KIAA1217: variants seen among roughly 807,000 people sequenced by gnomAD.
KIAA1217 encodes sickle tail protein homolog.
A neutral mutation model predicts 163.9 loss-of-function variants in KIAA1217; 88 were observed. That is an observed-to-expected ratio of 0.54 (90% CI 0.45 to 0.64). The LOEUF (loss-of-function observed/expected upper bound fraction) is 0.64. Among genes scored for constraint, KIAA1217 ranks in the 30% least tolerant of loss-of-function variants. The pLI is 0.00. For synonymous variants in KIAA1217, 903 were observed against 923.1 expected (o/e 0.98, Z 0.39); for missense variants, 2,372 against 2,475.0 (o/e 0.96, Z 0.88).
intron 2 of KIAA1217, among the ~76,000 whole-genome samples, chr10:24,127,478 A>G (rs550605382): frequency 6.6e-6 from 1 of 152,290 alleles, no homozygotes; most frequent in African/African-American, 2.4e-5. Context: ...AGCCCTTTCT[A>G]TCCCTGGAAT....
chr10:23,985,228 A>G (rs979202433), intron 1 of KIAA1217, among the ~76,000 whole-genome samples: 14 of 152,126 alleles, frequency 9.2e-5, no homozygotes, highest in Non-Finnish European at 1.5e-5. Context: ...CCTTTAGTAG[A>G]CCTTTTCCTG....
chr10:24,501,523 T>A lies in KIAA1217; in HGVS notation c.1979T>A (p.Leu660His), dbSNP rs2067578097. 3 of 1,613,400 alleles carry A rather than the reference T, an allele frequency of 1.9e-6. No individual in the cohort carries two copies. Among genetic ancestry groups the A allele is most frequent in the Non-Finnish European group, 2.5e-6 (3 of 1,179,766 alleles). Residue 660 changes from leucine (L) to histidine (H), a missense_variant, in exon 9 of 21, where the codon CTC (leucine) becomes CAC (histidine). Physicochemically the swap from Leu to His is moderately conservative, Grantham distance 99. Transcript: ENST00000376454. ...AGCGTGGCGGAACTCAGGCTCCAGC[T>A]CCAGCAGATGCGGCAGCTCCAGGTA... ...RRSVAELRLQ[L>H]QQMRQLQLQN...
At chr10:23,806,069 CA>C (rs1158918670) in intron 1 of KIAA1217, among the ~76,000 whole-genome samples, 1 of 135,248 alleles carries the variant, frequency 7.4e-6, no homozygotes, top group Non-Finnish European at 1.6e-5. Flanking sequence ...TTGATGTCAT[CA>C]AATGATAAAA....
chr10:24,340,521 G>T (rs550056416), intron 2 of KIAA1217, among the ~76,000 whole-genome samples: 3 of 152,208 alleles, frequency 2.0e-5, no homozygotes, highest in South Asian at 4.1e-4. Flanking sequence ...CCCAGTCTTG[G>T]TATGTCTTTA....
intron 1 of KIAA1217, among the ~76,000 whole-genome samples, chr10:23,965,419 T>C (rs901082767): frequency 6.6e-6 from 1 of 152,226 alleles, no homozygotes; most frequent in African/African-American, 2.4e-5. Context: ...GAAGGCAGTT[T>C]AGTCATTGTG....
chr10:24,500,811 G>A (rs188489545), intron 8 of KIAA1217, among the ~76,000 whole-genome samples: 138 of 152,228 alleles, frequency 9.1e-4, no homozygotes, highest in East Asian at 4.6e-3. Flanking sequence ...GGCCAAGTGC[G>A]GTGGTTCACG....
intron 3 of KIAA1217, among the ~76,000 whole-genome samples, chr10:24,409,228 T>G (rs2057522752): frequency 6.6e-6 from 1 of 152,220 alleles, no homozygotes; most frequent in Non-Finnish European, 1.5e-5. Flanking sequence ...ACTTTACTTT[T>G]GTACTTATGT....
intron 1 of KIAA1217, among the ~76,000 whole-genome samples, chr10:23,732,061 A>G (rs1461725602): frequency 1.3e-5 from 2 of 151,972 alleles, no homozygotes; most frequent in Non-Finnish European, 2.9e-5. Flanking sequence ...TTCTTGTAAT[A>G]TATTTTTCTG....
At chr10:23,789,980 TACAC>T (rs1212171982) in intron 1 of KIAA1217, among the ~76,000 whole-genome samples, 4 of 129,380 alleles carry the variant, frequency 3.1e-5, no homozygotes, top group African/African-American at 9.8e-5. Context: ...TATACATATA[TACAC>T]ATATACATAT....
At chr10:24,193,202 G>A (rs1436952347) in intron 2 of KIAA1217, among the ~76,000 whole-genome samples, 4 of 152,152 alleles carry the variant, frequency 2.6e-5, no homozygotes, top group African/African-American at 9.7e-5. Context: ...TGGGATAACA[G>A]GCATGAGCCA....
intron 2 of KIAA1217, among the ~76,000 whole-genome samples, chr10:24,101,323 G>A (rs1183463105): frequency 6.6e-6 from 1 of 152,074 alleles, no homozygotes; most frequent in Non-Finnish European, 1.5e-5. Context: ...TATTAGTGGA[G>A]TTTTATGATT....
intron 9 of KIAA1217, among the ~76,000 whole-genome samples, chr10:24,510,142 G>C (rs753945370): frequency 6.6e-6 from 1 of 152,172 alleles, no homozygotes; most frequent in South Asian, 2.1e-4. Context: ...ACAACTTGGG[G>C]TGGTGGGGAA....
At position 24,515,444 on chromosome 10, in the gene KIAA1217, C is replaced by A. The variant is rs572404244; in HGVS notation, c.2177+2010C>A. 1.9e-4 allele frequency among the ~76,000 whole-genome samples: 29 copies of A among 152,256 alleles called. No homozygotes were observed. In the South Asian group the frequency reaches 5.6e-3, roughly 29 times the overall value. On this transcript the variant is annotated intron_variant, in intron 10 of 20. Coordinates refer to ENST00000376454, the MANE Select transcript of KIAA1217 (RefSeq NM_019590.5). Reference sequence around the variant, plus strand: ...CTCACTTCTGGCCTAGAAAAGCCATCTTTAATCTCAATAATACTCTGAGAT... The same window carrying A: ...CTCACTTCTGGCCTAGAAAAGCCATATTTAATCTCAATAATACTCTGAGAT...
intron 2 of KIAA1217, among the ~76,000 whole-genome samples, chr10:24,025,423 A>C (rs1476207909): frequency 1.3e-5 from 2 of 151,732 alleles, no homozygotes; most frequent in Non-Finnish European, 3.0e-5. Flanking sequence ...TAGCTGTATA[A>C]GATTTGAAAT....
chr10:23,834,317 T>C (rs1046335618), intron 1 of KIAA1217, among the ~76,000 whole-genome samples: 7 of 152,218 alleles, frequency 4.6e-5, no homozygotes, highest in African/African-American at 1.7e-4. Flanking sequence ...CCTCCATGTA[T>C]GCATGCATGC....
At position 24,209,352 on chromosome 10, in the gene KIAA1217, C is replaced by T. The variant is rs967827846; in HGVS notation, c.70+89C>T. 20 of 836,430 alleles carry T rather than the reference C, an allele frequency of 2.4e-5. No individual in the cohort carries two copies. The Admixed American group carries it at 3.1e-4, about 13-fold the overall frequency. 51.8% of individuals were successfully genotyped at this position (836,430 alleles called of 1,614,324 possible). A position where few individuals can be genotyped will look rare whatever the true frequency, so the allele number is the denominator to read the frequency against. On this transcript the variant is annotated intron_variant, in intron 1 of 20. Coordinates refer to ENST00000376454, the MANE Select transcript of KIAA1217 (RefSeq NM_019590.5). Reference sequence around the variant, plus strand: ...TTTTATAAACTGCAGCTCTGGGACCCGGCAAAGGAAAAAAAAAAAAAAGGC... The same window carrying T: ...TTTTATAAACTGCAGCTCTGGGACCTGGCAAAGGAAAAAAAAAAAAAAGGC...
At chr10:23,832,555 G>T (rs1838261105) in intron 1 of KIAA1217, among the ~76,000 whole-genome samples, 1 of 152,122 alleles carries the variant, frequency 6.6e-6, no homozygotes, top group South Asian at 2.1e-4. Flanking sequence ...CTAATAACAT[G>T]GTTGGTTTCC....
At chr10:24,388,513 A>T (rs1342523769) in intron 3 of KIAA1217, among the ~76,000 whole-genome samples, 5 of 152,292 alleles carry the variant, frequency 3.3e-5, no homozygotes, top group African/African-American at 1.2e-4. Flanking sequence ...AGACTTCATG[A>T]CTAAAACACC....
intron 2 of KIAA1217, among the ~76,000 whole-genome samples, chr10:24,188,233 T>C (rs1196159435): frequency 1.3e-5 from 2 of 152,098 alleles, no homozygotes; most frequent in African/African-American, 4.8e-5. Flanking sequence ...CACCATAATA[T>C]CTGTGTTTGT....
Sources: allele counts gnomAD v4.1 joint callset (sites outside exome capture counted in the v4.1 genomes callset), GRCh38; gene constraint gnomAD v4.1.1; transcripts MANE v1.5; gene names NCBI Gene and HGNC (gene_info 2026-07-23, HGNC 2026-07-21).